Variants in NSUN2 observed in about 807,000 individuals in gnomAD.
NSUN2 encodes RNA cytosine C(5)-methyltransferase NSUN2.
Under a neutral mutation model 92.7 loss-of-function variants are expected in NSUN2, and 63 were observed. That is an observed-to-expected ratio of 0.68 (90% CI 0.56 to 0.84). The LOEUF is 0.84. NSUN2 is among the 40% of genes least tolerant of loss of function. The pLI is 0.00. For synonymous variants in NSUN2, 356 were observed against 348.3 expected (o/e 1.02, Z -0.25); for missense variants, 989 against 964.9 (o/e 1.02, Z -0.33).
intron 10 of NSUN2, 68 bp from the exon 11 acceptor site, chr5:6,611,153 G>C (rs1206607436): frequency 6.4e-7 from 1 of 1,552,818 alleles, no homozygotes; most frequent in Non-Finnish European, 8.8e-7. Context: ...CACAGGGCAG[G>C]AGTATCCATT....
intron 9 of NSUN2, 95 bp from the exon 10 acceptor site, chr5:6,611,893 T>A (rs1265258332): frequency 3.7e-6 from 4 of 1,071,566 alleles, no homozygotes; most frequent in African/African-American, 3.2e-5. Flanking sequence ...ACATATTATA[T>A]GATTCCATGT....
chr5:6,622,790 T>C (rs530133886), intron 5 of NSUN2, among the ~76,000 whole-genome samples: 1 of 145,570 alleles, frequency 6.9e-6, no homozygotes, highest in African/African-American at 2.6e-5. Flanking sequence ...GAGGTTGCAG[T>C]GAGCCAAGAT....
Position 6,620,262 on chromosome 5 carries a change from C to A in NSUN2, c.659G>T (p.Arg220Leu). 1 of 1,604,498 alleles carries A rather than the reference C, an allele frequency of 6.2e-7. No homozygotes were observed. Among genetic ancestry groups the A allele is most frequent in the Non-Finnish European group, 8.5e-7 (1 of 1,176,374 alleles). ...GGCTTGATGGACGAGCAGGTAGCAGCGCTTGTTGTCCACATCATTCGCAAT... is the reference window on the plus strand; with the variant it reads ...GGCTTGATGGACGAGCAGGTAGCAGAGCTTGTTGTCCACATCATTCGCAAT... ...FVIANDVDNK[R>L]CYLLVHQAKR... is the part of the protein sequence containing the mutation. Residue 220 changes from arginine (R) to leucine (L), a missense_variant, in exon 7 of 19, where the codon CGC (arginine) becomes CTC (leucine). Physicochemically the swap from Arg to Leu is moderately radical, Grantham distance 102 (BLOSUM62 -2). Transcript: ENST00000264670.
At position 6,599,276 on chromosome 5, in the gene NSUN2, C is replaced by T. The variant is rs1736445086; in HGVS notation, c.*650G>A. On this transcript the variant is annotated 3_prime_UTR_variant, in exon 19 of 19. Coordinates refer to ENST00000264670, the MANE Select transcript of NSUN2 (RefSeq NM_017755.6). ...ATTTTATTGAAATATTCCAAGGATC[C>T]CAACCCCATTTAAAAATAAAAATTG... is the stretch of plus-strand genomic sequence containing the variant. 6.6e-6 allele frequency: 1 copy of T among 152,504 alleles called. No homozygotes were observed. The highest frequency in any genetic ancestry group is 6.5e-5 in the Admixed American group (1 of 15,270). The allele number at this position is 152,504 out of a possible 1,614,324, so 9.4% of individuals were successfully genotyped here. A position where few individuals can be genotyped will look rare whatever the true frequency, so the allele number is the denominator to read the frequency against.
intron 18 of NSUN2, 152 bp from the exon 19 acceptor site, chr5:6,600,384 CGA>C (rs376375335): frequency 3.2e-6 from 2 of 623,222 alleles, no homozygotes; most frequent in Non-Finnish European, 5.1e-6. Context: ...CATCTGGATC[CGA>C]GGGGTAGGTT....
chr5:6,616,061 G>A (rs748230853), intron 9 of NSUN2, among the ~76,000 whole-genome samples: 6 of 152,228 alleles, frequency 3.9e-5, no homozygotes, highest in East Asian at 1.9e-4. Flanking sequence ...ACAAAATGAC[G>A]CAGCCACTGT....
rs200539341 is a variant in NSUN2, at chr5:6,620,130, C to T, written c.791G>A (p.Arg264Gln). 1.1e-5 allele frequency: 17 copies of T among 1,599,374 alleles called. No individual in the cohort carries two copies. The highest frequency in any genetic ancestry group is 1.3e-5 in the Non-Finnish European group (15 of 1,174,822). The stretch of plus-strand genomic sequence containing the variant: ...CCTGCAAGGGACATCACATAAAATT[C>T]GATCATAGAAGAGGATCTCTTTCCT... ...DGRKEILFYDRILCDVPCSGD... is the reference protein window; with the variant it reads ...DGRKEILFYDQILCDVPCSGD... The change falls in exon 7 of 19, where the codon CGA becomes CAA. Residue 264 changes from arginine (R) to glutamine (Q), a missense_variant. Arg to Gln is a conservative substitution (Grantham distance 43, BLOSUM62 1). Around this residue, in one of 3 missense-constraint regions of NSUN2, gnomAD observed 7 missense variants for 24.1 expected, o/e 0.29. Coordinates refer to ENST00000264670, the MANE Select transcript of NSUN2 (RefSeq NM_017755.6).
chr5:6,632,102 C>A, intron 2 of NSUN2, 125 bp from the exon 3 acceptor site: 1 of 709,834 alleles, frequency 1.4e-6, no homozygotes, highest in Non-Finnish European at 2.4e-6. Flanking sequence ...AGTAAACATT[C>A]TTTAGTCACT....
At chr5:6,606,640 TAA>T (rs1736783937) in intron 14 of NSUN2, among the ~76,000 whole-genome samples, 178 bp downstream of exon 14, 1 of 150,782 alleles carries the variant, frequency 6.6e-6, no homozygotes. Context: ...CTCCTTAAAT[TAA>T]AAGATTGAGT....
At position 6,632,659 on chromosome 5, in the gene NSUN2, T is replaced by A. The variant is rs749968269; in HGVS notation, c.194A>T (p.Gln65Leu). 6.8e-6 allele frequency: 11 copies of A among 1,614,150 alleles called. No individual in the cohort carries two copies. Among genetic ancestry groups the A allele is most frequent in the Middle Eastern group, 1.6e-4 (1 of 6,062 alleles). Residue 65 changes from glutamine (Q) to leucine (L), a missense_variant, in exon 2 of 19, where the codon CAG becomes CTG. By Grantham distance (113) the Gln-to-Leu change is moderately radical. Transcript: ENST00000264670. ...CGGCTCCCTGAGAGCGTCCATGAAC[T>A]GGCCCCACTCGCCCTCGGGCACGAT... Reference protein sequence around the residue: ...LKIVPEGEWGQFMDALREPLP... With the variant: ...LKIVPEGEWGLFMDALREPLP...
intron 12 of NSUN2, among the ~76,000 whole-genome samples, chr5:6,608,190 A>G (rs1736856276): frequency 6.6e-6 from 1 of 152,304 alleles, no homozygotes; most frequent in Non-Finnish European, 1.5e-5. Flanking sequence ...AAAAACCAAA[A>G]CAGATGAACC....
At position 6,605,335 on chromosome 5, in the gene NSUN2, G is replaced by C; in HGVS notation, c.1675C>G (p.Gln559Glu). The C allele has an allele frequency of 6.2e-7, 1 of 1,614,204 alleles. No individual in the cohort carries two copies. The highest frequency in any genetic ancestry group is 8.5e-7 in the Non-Finnish European group (1 of 1,180,032). Reference sequence around the variant, plus strand: ...AACTCCTTAGAAACCATGTAGAGCTGCCTTTTCTTCCCTTCTGTAGTCCGA... The same window carrying C: ...AACTCCTTAGAAACCATGTAGAGCTCCCTTTTCTTCCCTTCTGTAGTCCGA... ...LTRTTEGKKR[Q>E]LYMVSKELRN... The change falls in exon 15 of 19, where the codon CAG (glutamine) becomes GAG (glutamate). Residue 559 changes from glutamine to glutamate, a missense_variant. Gln to Glu is a conservative substitution (Grantham distance 29). This residue lies in a region of NSUN2 where 626 missense variants were observed against 602.3 expected (regional missense o/e 1.04). Coordinates refer to ENST00000264670, the MANE Select transcript of NSUN2 (RefSeq NM_017755.6).
intron 13 of NSUN2, 106 bp from the exon 14 acceptor site, chr5:6,607,018 T>G: frequency 1.1e-6 from 1 of 912,590 alleles, no homozygotes; most frequent in Non-Finnish European, 1.7e-6. Flanking sequence ...CATGGAACGG[T>G]TTGCGGCAGA....
chr5:6,607,842 C>G (rs1038972039), intron 12 of NSUN2, among the ~76,000 whole-genome samples: 3 of 152,166 alleles, frequency 2.0e-5, no homozygotes, highest in African/African-American at 7.2e-5. Context: ...GCCACAGGAA[C>G]TGGGAGAAAG....
At chr5:6,627,470 A>C (rs1240546276) in intron 3 of NSUN2, among the ~76,000 whole-genome samples, 1 of 152,238 alleles carries the variant, frequency 6.6e-6, no homozygotes, top group Non-Finnish European at 1.5e-5. Flanking sequence ...TAAAGAGCTG[A>C]ATTTTCATTT....
intron 3 of NSUN2, among the ~76,000 whole-genome samples, chr5:6,626,225 T>C (rs1737648649): frequency 6.6e-6 from 1 of 152,224 alleles, no homozygotes; most frequent in African/African-American, 2.4e-5. Context: ...CTTGAGCTCC[T>C]AGGCTGTTAC....
rs990530340 is a variant in NSUN2 at position 6,625,623 on chromosome 5, A to G, written c.406T>C (p.Leu136=). The part of the protein sequence containing the change: ...AWHTNLSRKI[L]RKSPHLEKFH... ...TTTTCCAAGTGTGGCGATTTTCTCAAGATTTTTCGACTTAAATTTGTGTGC... is the reference window on the plus strand; with the variant it reads ...TTTTCCAAGTGTGGCGATTTTCTCAGGATTTTTCGACTTAAATTTGTGTGC... The change falls in exon 4 of 19, where the codon TTG becomes CTG. Residue 136 remains leucine, a synonymous_variant. Coordinates refer to ENST00000264670, the MANE Select transcript of NSUN2 (RefSeq NM_017755.6). 3.1e-6 allele frequency: 5 copies of G among 1,614,100 alleles called. No homozygotes were observed. The African/African-American group carries it at 5.3e-5, about 17-fold the overall frequency.
chr5:6,610,732 G>A (rs1465312870), intron 11 of NSUN2, among the ~76,000 whole-genome samples: 1 of 150,370 alleles, frequency 6.7e-6, no homozygotes, highest in Non-Finnish European at 1.5e-5. Context: ...TTACCATTTA[G>A]ATTCTAGCCA....
intron 3 of NSUN2, among the ~76,000 whole-genome samples, chr5:6,629,006 C>G (rs1446798582): frequency 1.3e-5 from 2 of 152,218 alleles, no homozygotes; most frequent in Non-Finnish European, 2.9e-5. Context: ...CATGACATCA[C>G]TGCACTCCAG....
Sources: allele counts gnomAD v4.1 joint callset (sites outside exome capture counted in the v4.1 genomes callset), GRCh38; gene constraint gnomAD v4.1.1; regional missense constraint gnomAD v4.1.1; transcripts MANE v1.5; gene names NCBI Gene and HGNC (gene_info 2026-07-23, HGNC 2026-07-21).